Variants in CACNA1A observed in about 807,000 individuals in gnomAD.
CACNA1A encodes the protein calcium voltage-gated channel subunit alpha1 A, also known as voltage-dependent P/Q-type calcium channel subunit alpha-1A.
In CACNA1A, 57 loss-of-function variants were observed where a neutral mutation model predicts 262.4. The observed-to-expected ratio is 0.22, with a 90% CI of 0.18 to 0.27. The LOEUF is 0.27. Ranked by LOEUF, CACNA1A falls within the 10% of genes least tolerant of loss-of-function variation. The pLI, the probability that CACNA1A is intolerant of heterozygous loss-of-function variation, is 1.00. For missense variants in CACNA1A, 2,526 were observed against 3,562.8 expected (o/e 0.71, Z 7.41); for synonymous variants, 1,431 against 1,419.3 (o/e 1.01, Z -0.18).
At chr19:13,211,809 C>T (rs192177587) in intron 43 of CACNA1A, 55 of 378,412 alleles carry the variant, frequency 1.5e-4, no homozygotes, top group African/African-American at 1.0e-3. Context: ...CACAACCTCC[C>T]CTGTCTGCAG....
intron 5 of CACNA1A, among the ~76,000 whole-genome samples, chr19:13,360,320 CG>C (rs1311256468): frequency 6.9e-6 from 1 of 145,330 alleles, no homozygotes; most frequent in Non-Finnish European, 1.5e-5. Flanking sequence ...AGGGAGAGAA[CG>C]GGGGGAGAGA....
intron 43 of CACNA1A, chr19:13,211,311 G>C (rs1407666799): frequency 6.5e-6 from 1 of 154,042 alleles, no homozygotes; most frequent in Non-Finnish European, 1.4e-5. Context: ...CCAGAGGCGG[G>C]CTGCGTGCAT....
Position 13,255,276 on chromosome 19 carries a change from A to G in CACNA1A, c.4591-17T>C. On this transcript the variant is annotated splice_polypyrimidine_tract_variant and intron_variant, in intron 28 of 46. Coordinates refer to ENST00000360228, the MANE Select transcript of CACNA1A (RefSeq NM_001127222.2). ...GCAGGCCCTCTGCGGGAGAGAGGCC[A>G]GTGGTGAGAGCGGCAGAGGCAGGAG... is the stretch of plus-strand genomic sequence containing the variant. 1 of 1,576,302 alleles carries G rather than the reference A, an allele frequency of 6.3e-7. No individual in the cohort carries two copies. The highest frequency in any genetic ancestry group is 8.7e-7 in the Non-Finnish European group (1 of 1,154,422).
At chr19:13,427,710 C>A (rs1490414542) in intron 3 of CACNA1A, among the ~76,000 whole-genome samples, 1 of 152,054 alleles carries the variant, frequency 6.6e-6, no homozygotes, top group Non-Finnish European at 1.5e-5. Context: ...GGGCATGGCA[C>A]ATAACAACTG....
Position 13,261,472 on chromosome 19 carries a change from T to G in CACNA1A, c.4228A>C (p.Lys1410Gln). Residue 1410 changes from lysine to glutamine, a missense_variant, in exon 26 of 47, where the codon AAA (lysine) becomes CAA (glutamine). Lys to Gln is a moderately conservative substitution (Grantham distance 53). Transcript: ENST00000360228. ...CACCGACAATCTTTCTCAAACTCTTTGGACTCGTCAGTGCAGTGGAAGAAT... is the reference window on the plus strand; with the variant it reads ...CACCGACAATCTTTCTCAAACTCTTGGGACTCGTCAGTGCAGTGGAAGAAT... ...GKFFHCTDESKEFEKDCRGKY... is the reference protein window; with the variant it reads ...GKFFHCTDESQEFEKDCRGKY... 1.3e-6 allele frequency: 2 copies of G among 1,579,954 alleles called. No individual in the cohort carries two copies. The highest frequency in any genetic ancestry group is 1.7e-6 in the Non-Finnish European group (2 of 1,163,020).
chr19:13,300,764 C>T, intron 17 of CACNA1A, 108 bp from the exon 18 acceptor site: 1 of 874,892 alleles, frequency 1.1e-6, no homozygotes, highest in Non-Finnish European at 1.9e-6. Context: ...TTCGACCAAT[C>T]AGAACCAAGG....
chr19:13,430,230 G>T (rs531482966), intron 3 of CACNA1A, among the ~76,000 whole-genome samples: 2 of 150,224 alleles, frequency 1.3e-5, no homozygotes, highest in East Asian at 3.9e-4. Flanking sequence ...TTTTGAGACA[G>T]AGTTTCGCTC....
intron 1 of CACNA1A, among the ~76,000 whole-genome samples, chr19:13,471,009 T>A (rs972701682): frequency 6.6e-6 from 1 of 152,160 alleles, no homozygotes; most frequent in African/African-American, 2.4e-5. Context: ...CTTCAAAGGC[T>A]CTAGGGGAGG....
At chr19:13,445,135 C>T (rs1383772893) in intron 3 of CACNA1A, among the ~76,000 whole-genome samples, 3 of 144,182 alleles carry the variant, frequency 2.1e-5, no homozygotes, top group East Asian at 3.9e-4. Context: ...AGAAAAACTC[C>T]GTCTCAAAAA....
intron 38 of CACNA1A, among the ~76,000 whole-genome samples, chr19:13,216,647 TTATCTATC>T (rs71168686): frequency 0.048 from 7,219 of 149,212 alleles, 250 homozygotes; most frequent in Non-Finnish European, 0.064. Flanking sequence ...TTTTAAAAAT[TTATCTATC>T]TATCTATCTA....
rs1489944328 is a variant in CACNA1A, at chr19:13,393,814, CTCT to C, written c.540-22038_540-22036del. Among the ~76,000 whole-genome samples the C allele has an allele frequency of 6.0e-5, 6 of 100,704 alleles. No homozygotes were observed. In the East Asian group the frequency reaches 2.2e-3, roughly 37 times the overall value. The allele number at this position is 100,704 out of a possible 152,430, so 66.1% of individuals were successfully genotyped here. ...CCTTCCTTCCCTCCCTCCTTCCTCT[CTCT>C]CTCTCTCTCTCTCTCTCTCTTCCCC... On this transcript the variant is annotated intron_variant, in intron 3 of 46. Transcript: ENST00000360228.
intron 3 of CACNA1A, among the ~76,000 whole-genome samples, chr19:13,417,597 G>A (rs1011140448): frequency 2.0e-5 from 3 of 152,140 alleles, no homozygotes; most frequent in Non-Finnish European, 4.4e-5. Flanking sequence ...AGTTAAAAGA[G>A]AACCATAGTT....
chr19:13,451,195 A>T (rs781399753), intron 3 of CACNA1A: 7 of 152,328 alleles, frequency 4.6e-5, no homozygotes, highest in Admixed American at 4.6e-4. Flanking sequence ...GCCTCTACAG[A>T]AACAGCCCAA....
In CACNA1A at chr19:13,330,240, T is replaced by C; in HGVS notation, c.1345+4A>G. On this transcript the variant is annotated splice_donor_region_variant and intron_variant, in intron 10 of 46. Transcript: ENST00000360228. ...ACTGATAGGTGGCAGAGGAAGGGAC[T>C]CACCCACAGAGGCTATATCAGCCAG... 6.5e-7 allele frequency: 1 copy of C among 1,549,772 alleles called. No homozygotes were observed. The highest frequency in any genetic ancestry group is 8.7e-7 in the Non-Finnish European group (1 of 1,144,070).
intron 1 of CACNA1A, among the ~76,000 whole-genome samples, chr19:13,472,586 C>T (rs1978287596): frequency 6.6e-6 from 1 of 152,112 alleles, no homozygotes; most frequent in South Asian, 2.1e-4. Flanking sequence ...TTCCCCAGGG[C>T]CTTTGCACAT....
At chr19:13,227,171 C>G (rs527451190) in intron 37 of CACNA1A, 1 of 249,002 alleles carries the variant, frequency 4.0e-6, no homozygotes, top group Non-Finnish European at 7.7e-6. Context: ...CCCCTCCCCC[C>G]GGCATGTCGG....
At chr19:13,445,104 C>T (rs909761917) in intron 3 of CACNA1A, among the ~76,000 whole-genome samples, 8 of 150,208 alleles carry the variant, frequency 5.3e-5, no homozygotes, top group Non-Finnish European at 1.0e-4. Context: ...CATGCCATTG[C>T]ACTCTAGCCT....
intron 4 of CACNA1A, among the ~76,000 whole-genome samples, chr19:13,369,892 T>C (rs1277608946): frequency 6.6e-6 from 1 of 152,184 alleles, no homozygotes; most frequent in African/African-American, 2.4e-5. Context: ...TAGAAGTGTC[T>C]TCTTTCTACA....
chr19:13,396,968 T>C (rs890914654), intron 3 of CACNA1A, among the ~76,000 whole-genome samples: 1 of 152,188 alleles, frequency 6.6e-6, no homozygotes, highest in African/African-American at 2.4e-5. Flanking sequence ...TTCCAGGAAA[T>C]GTAGGGCTCG....
Sources: gnomAD v4.1 joint callset for allele counts (sites outside exome capture counted in the v4.1 genomes callset) on GRCh38, gnomAD v4.1.1 for gene constraint, MANE v1.5 for transcripts, NCBI Gene and HGNC (gene_info 2026-07-23, HGNC 2026-07-21) for gene names.